Variants in LEKR1 observed in about 807,000 individuals in gnomAD.
LEKR1 encodes protein LEKR1.
A neutral mutation model predicts 72.4 loss-of-function variants in LEKR1; 59 were observed. The ratio of observed to expected loss-of-function variants is 0.82; its 90% confidence interval spans 0.66 to 1.01. The LOEUF (loss-of-function observed/expected upper bound fraction) is 1.01, where lower values mean the gene tolerates loss of function less well. Ranked by LOEUF, LEKR1 falls within the 50% of genes least tolerant of loss-of-function variation. The pLI, the probability that LEKR1 is intolerant of heterozygous loss-of-function variation, is 0.00. For synonymous variants in LEKR1, 257 were observed against 263.2 expected (o/e 0.98, Z 0.23); for missense variants, 728 against 759.2 (o/e 0.96, Z 0.48).
chr3:156,859,496 A>C (rs1401733251), intron 3 of LEKR1, among the ~76,000 whole-genome samples: 1 of 152,144 alleles, frequency 6.6e-6, no homozygotes, highest in African/African-American at 2.4e-5. Flanking sequence ...TGGATCAGAA[A>C]GTTTTCATAT....
intron 3 of LEKR1, among the ~76,000 whole-genome samples, chr3:156,887,451 A>C (rs1720223471): frequency 6.6e-6 from 1 of 151,992 alleles, no homozygotes; most frequent in African/African-American, 2.4e-5. Context: ...TTGTTTTTTC[A>C]GGATATGTTA....
intron 12 of LEKR1, among the ~76,000 whole-genome samples, chr3:157,036,343 A>G (rs1250592295): frequency 6.6e-6 from 1 of 152,290 alleles, no homozygotes; most frequent in East Asian, 1.9e-4. Context: ...AAAGATGTGA[A>G]ATCTCCTAGA....
chr3:156,839,688 C>T (rs1381274730), intron 2 of LEKR1, among the ~76,000 whole-genome samples: 1 of 152,020 alleles, frequency 6.6e-6, no homozygotes, highest in Non-Finnish European at 1.5e-5. Flanking sequence ...AGAAAGAAGA[C>T]ATAGTAGAGG....
Position 157,005,833 on chromosome 3 carries a change from C to T in LEKR1, c.1110-5580C>T, listed in dbSNP as rs191533837. On this transcript the variant is annotated intron_variant, in intron 9 of 12. Coordinates refer to ENST00000356539, the MANE Select transcript of LEKR1 (RefSeq NM_001004316.3). Reference sequence around the variant, plus strand: ...TATAATATACAATGATATTTAGAAACTCAGTTACATGAACATAAACATCCT... The same window carrying T: ...TATAATATACAATGATATTTAGAAATTCAGTTACATGAACATAAACATCCT... 4.6e-4 allele frequency among the ~76,000 whole-genome samples: 70 copies of T among 152,134 alleles called. 2 individuals are homozygous for T. In the East Asian group the frequency reaches 9.8e-3, roughly 21 times the overall value.
At chr3:156,905,219 G>A (rs1354036839) in intron 3 of LEKR1, among the ~76,000 whole-genome samples, 1 of 152,074 alleles carries the variant, frequency 6.6e-6, no homozygotes, top group African/African-American at 2.4e-5. Context: ...ACTCAATAGG[G>A]CAAGCACCCT....
rs1367347687 is a variant in LEKR1 at position 156,852,960 on chromosome 3, G to T, written c.241G>T (p.Asp81Tyr). 2 of 1,533,558 alleles carry T rather than the reference G, an allele frequency of 1.3e-6. No homozygotes were observed. The highest frequency in any genetic ancestry group is 1.2e-5 in the South Asian group (1 of 83,536). 95.0% of individuals were successfully genotyped at this position (1,533,558 alleles called of 1,614,324 possible). A position where few individuals can be genotyped will look rare whatever the true frequency, so the allele number is the denominator to read the frequency against. The change falls in exon 3 of 13, where the codon GAC becomes TAC. Residue 81 changes from aspartate to tyrosine, a missense_variant. Physicochemically the swap from Asp to Tyr is radical, Grantham distance 160 (BLOSUM62 -3). Transcript: ENST00000356539. ...CCAAGAACTTGAACAGTACAAAATT[G>T]ACAACAAATCCAAAACAGAAAGGTT... ...LSQELEQYKI[D>Y]NKSKTERIYD...
At chr3:156,949,814 A>C (rs779152671) in intron 6 of LEKR1, among the ~76,000 whole-genome samples, 1 of 151,338 alleles carries the variant, frequency 6.6e-6, no homozygotes, top group Non-Finnish European at 1.5e-5. Flanking sequence ...TTGCTACATC[A>C]GTTTTCATAA....
chr3:156,999,826 T>C (rs1293468616), intron 9 of LEKR1, among the ~76,000 whole-genome samples: 1 of 152,178 alleles, frequency 6.6e-6, no homozygotes, highest in Admixed American at 6.5e-5. Context: ...GCAGGTGTCA[T>C]TTTCCACATT....
intron 6 of LEKR1, among the ~76,000 whole-genome samples, chr3:156,947,269 G>A (rs1366538852): frequency 6.6e-6 from 1 of 151,064 alleles, no homozygotes; most frequent in African/African-American, 2.4e-5. Flanking sequence ...TGCTTTTGCT[G>A]GATCCCATAG....
chr3:156,923,722 G>A (rs867561002), intron 4 of LEKR1, among the ~76,000 whole-genome samples: 2 of 140,606 alleles, frequency 1.4e-5, no homozygotes, highest in African/African-American at 5.1e-5. Flanking sequence ...TATGATTAAT[G>A]TATATTTAAT....
chr3:156,977,797 C>A, intron 6 of LEKR1: 1 of 223,622 alleles, frequency 4.5e-6, no homozygotes, highest in South Asian at 8.0e-5. Flanking sequence ...ATCTTGCCTT[C>A]TACAGGAAAC....
At chr3:156,962,149 T>G (rs538866741) in intron 6 of LEKR1, among the ~76,000 whole-genome samples, 1 of 152,338 alleles carries the variant, frequency 6.6e-6, no homozygotes, top group East Asian at 1.9e-4. Context: ...GTATGGCAGA[T>G]AGAGATCTAT....
chr3:156,879,168 G>A (rs1289513647), intron 3 of LEKR1, among the ~76,000 whole-genome samples: 1 of 152,084 alleles, frequency 6.6e-6, no homozygotes, highest in Non-Finnish European at 1.5e-5. Flanking sequence ...GGAAAATGTG[G>A]GAATGTTTGG....
intron 11 of LEKR1, among the ~76,000 whole-genome samples, chr3:157,025,460 G>A (rs1398972020): frequency 1.3e-5 from 2 of 152,118 alleles, no homozygotes; most frequent in Admixed American, 6.6e-5. Flanking sequence ...GTGTGTATGT[G>A]TGTGTGTGTG....
chr3:156,988,912 ACCT>A (rs1227654811), intron 7 of LEKR1, among the ~76,000 whole-genome samples: 1 of 151,732 alleles, frequency 6.6e-6, no homozygotes, highest in East Asian at 1.9e-4. Context: ...GCTCATTGCA[ACCT>A]CCGCCTCCCG....
intron 3 of LEKR1, among the ~76,000 whole-genome samples, chr3:156,868,067 T>C (rs1717509576): frequency 6.6e-6 from 1 of 152,098 alleles, no homozygotes; most frequent in African/African-American, 2.4e-5. Flanking sequence ...CAATAATGCA[T>C]GTATGCCTAT....
intron 12 of LEKR1, among the ~76,000 whole-genome samples, chr3:157,029,333 T>C (rs1284341752): frequency 6.6e-6 from 1 of 152,062 alleles, no homozygotes; most frequent in East Asian, 1.9e-4. Flanking sequence ...GATAGAATAC[T>C]AGATCAAGAA....
intron 12 of LEKR1, among the ~76,000 whole-genome samples, chr3:157,037,118 C>A (rs574422429): frequency 1.5e-4 from 23 of 152,140 alleles, no homozygotes; most frequent in Non-Finnish European, 2.8e-4. Context: ...GAAGCTGAAC[C>A]CTCATCTTCC....
chr3:156,851,991 A>G (rs369685807), intron 2 of LEKR1, among the ~76,000 whole-genome samples: 1 of 152,168 alleles, frequency 6.6e-6, no homozygotes, highest in African/African-American at 2.4e-5. Context: ...TGCTGGCCAA[A>G]AGTCACACAA....
Sources: allele counts gnomAD v4.1 joint callset (sites outside exome capture counted in the v4.1 genomes callset), GRCh38; gene constraint gnomAD v4.1.1; transcripts MANE v1.5; gene names NCBI Gene and HGNC (gene_info 2026-07-23, HGNC 2026-07-21).